Variants in ZHX3 observed in about 807,000 individuals in gnomAD.
ZHX3 encodes the protein zinc fingers and homeoboxes protein 3.
A neutral mutation model predicts 64.5 loss-of-function variants in ZHX3; 20 were observed. The ratio of observed to expected loss-of-function variants is 0.31; its 90% CI spans 0.22 to 0.45. The LOEUF is 0.45. ZHX3 is among the 20% of genes least tolerant of loss of function. The probability of loss-of-function intolerance (pLI) is 1.00; values close to 1 mark genes in which losing one functional copy is unlikely to be tolerated. For synonymous variants in ZHX3, 423 were observed against 461.6 expected, an observed-to-expected ratio of 0.92 and a Z score of 1.07; for missense variants, 1,041 against 1,195.8, an observed-to-expected ratio of 0.87 and a Z score of 1.91.
At chr20:41,289,257 T>C (rs1416795090) in intron 1 of ZHX3, among the ~76,000 whole-genome samples, 4 of 151,990 alleles carry the variant, frequency 2.6e-5, no homozygotes, top group African/African-American at 9.7e-5. Flanking sequence ...TGCCTCAGCC[T>C]CCCAAAGTGC....
intron 3 of ZHX3, among the ~76,000 whole-genome samples, chr20:41,190,095 TTGATG>T (rs1440152381): frequency 3.9e-5 from 6 of 152,222 alleles, no homozygotes; most frequent in African/African-American, 1.2e-4. Context: ...CTTCATTCTG[TTGATG>T]TGATGTATTG....
intron 1 of ZHX3, among the ~76,000 whole-genome samples, chr20:41,286,776 G>A (rs1038172866): frequency 2.0e-5 from 3 of 152,132 alleles, no homozygotes; most frequent in Non-Finnish European, 4.4e-5. Context: ...CTCTCAAATT[G>A]TAATTCCCAC....
intron 2 of ZHX3, among the ~76,000 whole-genome samples, chr20:41,248,604 G>A (rs1393202047): frequency 6.6e-6 from 1 of 152,138 alleles, no homozygotes; most frequent in Non-Finnish European, 1.5e-5. Context: ...TTTTTATGTG[G>A]TTACAGCTCA....
At position 41,228,229 on chromosome 20, in the gene ZHX3, C is replaced by T. The variant is rs1374486479; in HGVS notation, c.-150-23163G>A. ...CAGCCCTGACCTATCTACCAAGTTC[C>T]AAATCCATTACTTCCAACTGCCATT... is the stretch of plus-strand genomic sequence containing the variant. On this transcript the variant is annotated intron_variant, in intron 2 of 3. Transcript: ENST00000683867. This position sits in a 1 kb window ranked among gnomAD's most constrained non-coding sequence, Gnocchi z 4.6. Among the ~76,000 whole-genome samples, 1 of 152,170 alleles carries T rather than the reference C, an allele frequency of 6.6e-6. No homozygotes were observed. Among genetic ancestry groups the T allele is most frequent in the Non-Finnish European group, 1.5e-5 (1 of 68,032 alleles).
chr20:41,216,187 G>T (rs1419374853), intron 2 of ZHX3, among the ~76,000 whole-genome samples: 1 of 152,154 alleles, frequency 6.6e-6, no homozygotes, highest in Admixed American at 6.5e-5. Flanking sequence ...ATGTATAACA[G>T]ACCATAAATA....
chr20:41,191,727 T>A (rs763984935), intron 3 of ZHX3, among the ~76,000 whole-genome samples: 12 of 152,252 alleles, frequency 7.9e-5, no homozygotes, highest in African/African-American at 1.2e-4. Flanking sequence ...TCTTGGTATG[T>A]GCAGTAGTGT....
rs548132147 is a variant in ZHX3 at position 41,252,125 on chromosome 20, G to A, written c.-151+16865C>T. Among the ~76,000 whole-genome samples the A allele has an allele frequency of 5.3e-5, 8 of 152,308 alleles. No homozygotes were observed. The South Asian group carries it at 1.4e-3, about 28-fold the overall frequency. The stretch of plus-strand genomic sequence containing the variant: ...TTAATGTGGATCTTTCTACTGGTGA[G>A]TTGGCTGTCTATACCTGCCTTACCC... On this transcript the variant is annotated intron_variant, in intron 2 of 3. Transcript: ENST00000683867.
chr20:41,299,865 C>T (rs1357309794), intron 1 of ZHX3: 2 of 99,330 alleles, frequency 2.0e-5, no homozygotes, highest in Non-Finnish European at 3.7e-5. Context: ...GAAGGAGACT[C>T]GGTCTCAAAA....
In ZHX3 at chr20:41,182,335, A is replaced by G. The variant is rs560815137; in HGVS notation, c.*2856T>C. 9 of 152,196 alleles carry G rather than the reference A, an allele frequency of 5.9e-5. No individual in the cohort carries two copies. The highest frequency in any genetic ancestry group is 1.9e-4 in the African/African-American group (8 of 41,440). The allele number at this position is 152,196 out of a possible 1,614,324, so 9.4% of individuals were successfully genotyped here. On this transcript the variant is annotated 3_prime_UTR_variant, in exon 4 of 4. Coordinates refer to ENST00000683867, the MANE Select transcript of ZHX3 (RefSeq NM_001384317.1). The surrounding 1 kb of genome is among the most constrained non-coding windows in gnomAD (Gnocchi z 6.1). ...CTTCAGGAGAGACTAACCTCACCCAACTCTCAACTCTGCAGCCCACAAATG... is the reference window on the plus strand; with the variant it reads ...CTTCAGGAGAGACTAACCTCACCCAGCTCTCAACTCTGCAGCCCACAAATG...
At chr20:41,288,344 T>C (rs369347220) in intron 1 of ZHX3, among the ~76,000 whole-genome samples, 3 of 152,366 alleles carry the variant, frequency 2.0e-5, no homozygotes, top group East Asian at 3.9e-4. Flanking sequence ...CACTCATTCA[T>C]GAATTTGAAA....
intron 1 of ZHX3, among the ~76,000 whole-genome samples, chr20:41,284,825 C>A (rs991730917): frequency 1.3e-5 from 2 of 152,114 alleles, no homozygotes; most frequent in Non-Finnish European, 2.9e-5. Context: ...AACTAACCAC[C>A]CCTCTCTCCT....
At chr20:41,266,695 G>A (rs1296947502) in intron 2 of ZHX3, among the ~76,000 whole-genome samples, 9 of 151,682 alleles carry the variant, frequency 5.9e-5, no homozygotes, top group Admixed American at 2.6e-4. Flanking sequence ...ACAGGCGCGC[G>A]CCACTGCGCC....
intron 1 of ZHX3, among the ~76,000 whole-genome samples, chr20:41,296,541 T>C (rs1414749838): frequency 6.6e-6 from 1 of 152,172 alleles, no homozygotes; most frequent in Non-Finnish European, 1.5e-5. Flanking sequence ...GAAATGCTCA[T>C]CTCATCCTTT....
rs2037230729 is a variant in ZHX3, at chr20:41,193,650, G to T, written c.2860+8407C>A. ...GCAGCTTTGCCAAGTTCATTTATTA[G>T]CTCTTAACTATTTTTGTGTGTGTGT... is the stretch of plus-strand genomic sequence containing the variant. On this transcript the variant is annotated intron_variant, in intron 3 of 3. Coordinates refer to ENST00000683867, the MANE Select transcript of ZHX3 (RefSeq NM_001384317.1). Among the ~76,000 whole-genome samples the T allele has an allele frequency of 2.0e-5, 3 of 149,974 alleles. No individual in the cohort carries two copies. In the South Asian group the frequency reaches 6.3e-4, roughly 32 times the overall value.
At chr20:41,205,567 T>A (rs1200195812) in intron 2 of ZHX3, among the ~76,000 whole-genome samples, 1 of 13,496 alleles carries the variant, frequency 7.4e-5, no homozygotes, top group South Asian at 2.4e-3. Context: ...ACGGAAGGGG[T>A]GGGGTGGGCG....
At chr20:41,192,315 G>A (rs1226956107) in intron 3 of ZHX3, among the ~76,000 whole-genome samples, 1 of 152,188 alleles carries the variant, frequency 6.6e-6, no homozygotes, top group Non-Finnish European at 1.5e-5. Flanking sequence ...GGAGGTGGTG[G>A]TGTAAAGCCA....
intron 2 of ZHX3, among the ~76,000 whole-genome samples, chr20:41,230,173 T>C (rs1172571287): frequency 3.9e-5 from 6 of 152,210 alleles, no homozygotes; most frequent in Admixed American, 3.9e-4. Context: ...TTGCATATAT[T>C]GGGTTAAATA....
rs774642563 is a variant in ZHX3, at chr20:41,203,516, C to T, written c.1401G>A (p.Thr467=). The T allele has an allele frequency of 7.4e-6, 12 of 1,614,138 alleles. No homozygotes were observed. Among genetic ancestry groups the T allele is most frequent in the Admixed American group, 3.3e-5 (2 of 60,028 alleles). ...APINTVCSNT[T]SAVKVVNAAQ... ...CCGCATTGACCACCTTCACAGCTGA[C>T]GTTGTATTTGAACACACAGTGTTAA... The change falls in exon 3 of 4, where the codon ACG becomes ACA. Residue 467 remains threonine (T), a synonymous_variant. Transcript: ENST00000683867. This position sits in a 1 kb window ranked among gnomAD's most constrained non-coding sequence, Gnocchi z 7.1.
At chr20:41,263,674 C>T (rs1226945573) in intron 2 of ZHX3, among the ~76,000 whole-genome samples, 1 of 152,042 alleles carries the variant, frequency 6.6e-6, no homozygotes, top group African/African-American at 2.4e-5. Flanking sequence ...TCTAGGATTA[C>T]AGGCATGAGC....
Sources: allele counts gnomAD v4.1 joint callset (sites outside exome capture counted in the v4.1 genomes callset), GRCh38; gene constraint gnomAD v4.1.1; non-coding constraint Gnocchi (gnomAD v3.1); transcripts MANE v1.5; gene names NCBI Gene and HGNC (gene_info 2026-07-23, HGNC 2026-07-21).